The following PACRG variants were observed in gnomAD, a reference collection of about 807,000 sequenced individuals.
PACRG encodes the protein parkin coregulated gene protein.
PACRG carries 29 observed loss-of-function variants against 29.7 expected under a neutral mutation model. The ratio of observed to expected loss-of-function variants is 0.98; its 90% CI spans 0.73 to 1.33. The LOEUF (loss-of-function observed/expected upper bound fraction) is 1.33. Ranked by LOEUF, PACRG falls within the 40% of genes most tolerant of loss-of-function variation. The pLI, the probability that PACRG is intolerant of heterozygous loss-of-function variation, is 0.00. For synonymous variants in PACRG, 116 were observed against 118.7 expected, an observed-to-expected ratio of 0.98 and a Z score of 0.15; for missense variants, 279 against 316.2, an observed-to-expected ratio of 0.88 and a Z score of 0.89.
At chr6:163,103,254 C>A (rs1219312679) in intron 4 of PACRG, among the ~76,000 whole-genome samples, 1 of 152,206 alleles carries the variant, frequency 6.6e-6, no homozygotes, top group Non-Finnish European at 1.5e-5. Context: ...GAAATCAGTT[C>A]TAATGGTTGC....
intron 1 of PACRG, among the ~76,000 whole-genome samples, chr6:162,778,006 C>T (rs184579014): frequency 3.1e-4 from 47 of 152,188 alleles, no homozygotes; most frequent in Admixed American, 2.0e-3. Context: ...GTGAGCTAAC[C>T]GACACTATTC....
At chr6:162,959,652 C>A (rs1418800113) in intron 2 of PACRG, among the ~76,000 whole-genome samples, 1 of 152,104 alleles carries the variant, frequency 6.6e-6, no homozygotes, top group East Asian at 1.9e-4. Context: ...ATCCCTTGGG[C>A]TCCTGAGTTG....
At chr6:162,873,762 G>T (rs902588559) in intron 2 of PACRG, among the ~76,000 whole-genome samples, 2 of 152,108 alleles carry the variant, frequency 1.3e-5, no homozygotes, top group Non-Finnish European at 2.9e-5. Flanking sequence ...AACTTTCAGT[G>T]ACTCACATCT....
At chr6:163,201,982 T>A (rs1285536694) in intron 4 of PACRG, among the ~76,000 whole-genome samples, 2 of 152,058 alleles carry the variant, frequency 1.3e-5, no homozygotes, top group Non-Finnish European at 2.9e-5. Context: ...TTCCCAGAGG[T>A]GGGCTTAGAG....
chr6:163,066,698 GA>G (rs1297177817), intron 3 of PACRG, among the ~76,000 whole-genome samples: 7 of 152,254 alleles, frequency 4.6e-5, no homozygotes, highest in Non-Finnish European at 1.0e-4. Context: ...AAAATAGGAT[GA>G]AGAATGTAAC....
At chr6:163,256,745 C>T (rs1406130462) in intron 4 of PACRG, among the ~76,000 whole-genome samples, 10 of 152,212 alleles carry the variant, frequency 6.6e-5, no homozygotes, top group African/African-American at 4.8e-5. Context: ...TGTGAGGACA[C>T]TGACGGTGAC....
chr6:162,746,898 G>T (rs1781029956), intron 1 of PACRG, among the ~76,000 whole-genome samples: 1 of 152,106 alleles, frequency 6.6e-6, no homozygotes, highest in Non-Finnish European at 1.5e-5. Context: ...TATCACACTT[G>T]GCCTTCTTAT....
intron 4 of PACRG, among the ~76,000 whole-genome samples, chr6:163,117,310 T>G (rs2128322790): frequency 6.6e-6 from 1 of 152,300 alleles, no homozygotes; most frequent in Non-Finnish European, 1.5e-5. Context: ...TTCAGCTCAC[T>G]GCTCAAGGGC....
intron 4 of PACRG, among the ~76,000 whole-genome samples, chr6:163,249,129 C>A (rs1321457448): frequency 6.6e-6 from 1 of 150,744 alleles, no homozygotes; most frequent in Non-Finnish European, 1.5e-5. Flanking sequence ...TTAGCCATAA[C>A]AGAATGAGAA....
At chr6:163,201,300 A>G (rs1469296557) in intron 4 of PACRG, among the ~76,000 whole-genome samples, 1 of 152,244 alleles carries the variant, frequency 6.6e-6, no homozygotes, top group Non-Finnish European at 1.5e-5. Context: ...ATAAATTGTA[A>G]TAGGAACCAG....
At chr6:162,919,118 T>C (rs1796890693) in intron 2 of PACRG, among the ~76,000 whole-genome samples, 1 of 152,190 alleles carries the variant, frequency 6.6e-6, no homozygotes, top group Non-Finnish European at 1.5e-5. Context: ...TGGGATGAGC[T>C]TTCTAGAATA....
chr6:162,787,446 C>T (rs538904289), intron 1 of PACRG, among the ~76,000 whole-genome samples: 2 of 150,644 alleles, frequency 1.3e-5, no homozygotes, highest in East Asian at 2.0e-4. Context: ...CACATATACA[C>T]ACATGATAAC....
chr6:163,129,240 A>G (rs1816636868), intron 4 of PACRG, among the ~76,000 whole-genome samples: 2 of 152,222 alleles, frequency 1.3e-5, no homozygotes, highest in Admixed American at 1.3e-4. Flanking sequence ...CGATTTGAAC[A>G]TGCATTCAAA....
In PACRG at chr6:162,728,292, G is replaced by C; in HGVS notation, c.57G>C (p.Lys19Asn). The change falls in exon 1 of 5, where the codon AAG (lysine) becomes AAC (asparagine). Residue 19 changes from lysine (K) to asparagine (N), a missense_variant. Coordinates refer to ENST00000366888, the MANE Select transcript of PACRG (RefSeq NM_001080379.2). ...ACAAATGCCCAGACAAGATGCCGAA[G>C]AGGACCAAGCTGCTGGCACAACAGC... ...SLNKCPDKMP[K>N]RTKLLAQQPL... The C allele has an allele frequency of 6.2e-7, 1 of 1,614,010 alleles. No individual in the cohort carries two copies. Among genetic ancestry groups the C allele is most frequent in the Non-Finnish European group, 8.5e-7 (1 of 1,180,030 alleles).
At chr6:163,095,516 T>C in intron 4 of PACRG, 1 of 846,168 alleles carries the variant, frequency 1.2e-6, no homozygotes, top group Non-Finnish European at 1.4e-6. Flanking sequence ...CTCCCAGTTC[T>C]GGAGGCTACG....
At chr6:163,227,788 G>A (rs760617147) in intron 4 of PACRG, among the ~76,000 whole-genome samples, 78 of 152,116 alleles carry the variant, frequency 5.1e-4, no homozygotes, top group Non-Finnish European at 8.7e-4. Flanking sequence ...TCCCTGTGGC[G>A]AGAATGAAAC....
intron 2 of PACRG, among the ~76,000 whole-genome samples, chr6:162,881,962 G>GGT (rs1021578949): frequency 2.9e-5 from 1 of 34,896 alleles, no homozygotes; most frequent in African/African-American, 1.4e-4. Context: ...AGAGATGGGT[G>GGT]GGGGGGGGCA....
At chr6:163,299,029 G>T (rs888617397) in intron 4 of PACRG, among the ~76,000 whole-genome samples, 1 of 152,152 alleles carries the variant, frequency 6.6e-6, no homozygotes. Flanking sequence ...CTTATTTAAT[G>T]GTTGGTTACC....
chr6:163,166,364 A>T (rs1182677099), intron 4 of PACRG: 6 of 361,656 alleles, frequency 1.7e-5, no homozygotes, highest in African/African-American at 1.3e-4. Context: ...ATACCCCAAG[A>T]ACTGCTTACT....
Sources: allele counts gnomAD v4.1 joint callset (sites outside exome capture counted in the v4.1 genomes callset), GRCh38; gene constraint gnomAD v4.1.1; transcripts MANE v1.5; gene names NCBI Gene and HGNC (gene_info 2026-07-23, HGNC 2026-07-21).